Variants in HOMEZ observed in about 807,000 individuals in gnomAD.
HOMEZ encodes homeobox and leucine zipper protein Homez.
In HOMEZ, 20 loss-of-function variants were observed where a neutral mutation model predicts 50.1. The observed-to-expected ratio is 0.40, with a 90% CI of 0.28 to 0.58. The LOEUF is 0.58. Among genes scored for constraint, HOMEZ ranks in the 20% least tolerant of loss-of-function variants. The probability of loss-of-function intolerance (pLI) is 0.46; values close to 1 mark genes in which losing one functional copy is unlikely to be tolerated. For synonymous variants in HOMEZ, 239 were observed against 254.7 expected, an observed-to-expected ratio of 0.94 and a Z score of 0.59; for missense variants, 579 against 680.5, an observed-to-expected ratio of 0.85 and a Z score of 1.66.
In HOMEZ at chr14:23,286,073, G is replaced by T. The variant is rs917269185; in HGVS notation, c.-121C>A. The T allele has an allele frequency of 5.6e-5, 69 of 1,230,708 alleles. No homozygotes were observed. The highest frequency in any genetic ancestry group is 3.2e-5 in the East Asian group (1 of 31,634). 76.2% of individuals were successfully genotyped at this position (1,230,708 alleles called of 1,614,324 possible). ...CGAAACCGGGACTGCCCCCCCCACC[G>T]TCCCCGGGAGCGCGCCGGTCTACCC... On this transcript the variant is annotated 5_prime_UTR_variant, in exon 1 of 2. Coordinates refer to ENST00000357460, the MANE Select transcript of HOMEZ (RefSeq NM_020834.3).
chr14:23,283,361 A>C (rs1886596258), intron 1 of HOMEZ, among the ~76,000 whole-genome samples: 1 of 151,730 alleles, frequency 6.6e-6, no homozygotes, highest in Non-Finnish European at 1.5e-5. Flanking sequence ...ACATAGCGAG[A>C]CCTCGCCTCT....
At chr14:23,277,284 A>G (rs1403109609) in intron 1 of HOMEZ, 97 bp from the exon 2 acceptor site, 7 of 1,147,066 alleles carry the variant, frequency 6.1e-6, no homozygotes, top group Non-Finnish European at 8.4e-6. Flanking sequence ...AGAACAATTT[A>G]ATCTGTATTT....
In HOMEZ at chr14:23,276,250, A is replaced by G; in HGVS notation, c.978T>C (p.His326=). 6.2e-7 allele frequency: 1 copy of G among 1,613,908 alleles called. No individual in the cohort carries two copies. ...VSPSEQALPP[H]LEPAWPQGLR... is the part of the protein sequence containing the mutation. The stretch of plus-strand genomic sequence containing the variant: ...GCCCTTGGGGCCAGGCTGGTTCCAG[A>G]TGTGGGGGTAATGCCTGTTCACTGG... The change falls in exon 2 of 2, where the codon CAT becomes CAC. Residue 326 remains histidine (H), a synonymous_variant. Transcript: ENST00000357460. This position sits in a 1 kb window ranked among gnomAD's most constrained non-coding sequence, Gnocchi z 4.1.
intron 1 of HOMEZ, among the ~76,000 whole-genome samples, chr14:23,280,709 A>ATTTTATT (rs1594964856): frequency 4.0e-5 from 2 of 49,800 alleles, no homozygotes; most frequent in African/African-American, 5.6e-5. Flanking sequence ...TTATATTTTT[A>ATTTTATT]TTTTTATTTT....
chr14:23,281,996 G>A (rs74959412), intron 1 of HOMEZ, among the ~76,000 whole-genome samples: 5,271 of 151,584 alleles, frequency 0.035, 158 homozygotes, highest in South Asian at 0.17. Context: ...CTCAAAAAGA[G>A]AAGAAAAAAG....
chr14:23,281,903 AG>A (rs1451761439), intron 1 of HOMEZ, among the ~76,000 whole-genome samples: 2 of 151,770 alleles, frequency 1.3e-5, no homozygotes, highest in African/African-American at 4.8e-5. Context: ...CTGAGGTGGG[AG>A]GATTGCTTGA....
rs953828695 is a variant in HOMEZ at position 23,286,125 on chromosome 14, G to A, written c.-173C>T. 3 of 1,228,322 alleles carry A rather than the reference G, an allele frequency of 2.4e-6. No homozygotes were observed. The highest frequency in any genetic ancestry group is 3.0e-6 in the Non-Finnish European group (3 of 985,674). The allele number at this position is 1,228,322 out of a possible 1,614,324, so 76.1% of individuals were successfully genotyped here. On this transcript the variant is annotated 5_prime_UTR_variant, in exon 1 of 2. Coordinates refer to ENST00000357460, the MANE Select transcript of HOMEZ (RefSeq NM_020834.3). ...GCCCTGCTCGAGCAAGTTGGAGGCG[G>A]GGCGGATGGGTGGGGTGGGCGTCCA...
In HOMEZ at chr14:23,276,659, TGA is replaced by T; in HGVS notation, c.567_568del (p.Gln190AspfsTer72). 6.2e-7 allele frequency: 1 copy of T among 1,614,048 alleles called. No homozygotes were observed. Among genetic ancestry groups the T allele is most frequent in the South Asian group, 1.1e-5 (1 of 91,086 alleles). ...GTGACTCTGTGGCAGTGGTGGCATCTGAGAGGGCTCCTCAGGCTCTACCTTCA... is the reference window on the plus strand; with the variant it reads ...GTGACTCTGTGGCAGTGGTGGCATCTGAGGGCTCCTCAGGCTCTACCTTCA... On this transcript the variant is annotated frameshift_variant, in exon 2 of 2. Transcript: ENST00000357460. LOFTEE classifies it high-confidence loss of function. This position sits in a 1 kb window ranked among gnomAD's most constrained non-coding sequence, Gnocchi z 4.1.
intron 1 of HOMEZ, among the ~76,000 whole-genome samples, chr14:23,278,231 T>C (rs986736416): frequency 1.2e-4 from 18 of 152,046 alleles, no homozygotes; most frequent in Non-Finnish European, 2.2e-4. Context: ...TTATCTTTCC[T>C]ATTCAAACCC....
intron 1 of HOMEZ, among the ~76,000 whole-genome samples, chr14:23,280,768 A>C (rs796737851): frequency 2.3e-4 from 22 of 93,766 alleles, no homozygotes; most frequent in Admixed American, 5.0e-4. Context: ...ATTTTATTTT[A>C]TTTTATTTTA....
intron 1 of HOMEZ, among the ~76,000 whole-genome samples, chr14:23,280,895 T>A (rs957203644): frequency 1.3e-5 from 2 of 151,308 alleles, no homozygotes; most frequent in Admixed American, 1.3e-4. Context: ...TGCCTCAGCC[T>A]CCTGAGTAGC....
chr14:23,282,138 G>A (rs1886570644), intron 1 of HOMEZ, among the ~76,000 whole-genome samples: 1 of 152,170 alleles, frequency 6.6e-6, no homozygotes. Flanking sequence ...TGATTTTGAT[G>A]TGAAGTAATG....
At chr14:23,281,686 G>A (rs1311774108) in intron 1 of HOMEZ, among the ~76,000 whole-genome samples, 2 of 151,968 alleles carry the variant, frequency 1.3e-5, no homozygotes, top group East Asian at 1.9e-4. Flanking sequence ...ACCTTGGGCC[G>A]AGCGCAGTGG....
At chr14:23,280,709 ATTTTTATTTT>A in intron 1 of HOMEZ, among the ~76,000 whole-genome samples, 1 of 49,808 alleles carries the variant, frequency 2.0e-5, no homozygotes. Flanking sequence ...TTATATTTTT[ATTTTTATTTT>A]ATTTTATTTT....
Position 23,276,230 on chromosome 14 carries a change from T to C in HOMEZ, c.998A>G (p.Gln333Arg). The part of the protein sequence containing the change: ...LPPHLEPAWP[Q>R]GLRHNSVPGR... ...TGGTACTGAGTTATGCCGTAGCCCT[T>C]GGGGCCAGGCTGGTTCCAGATGTGG... is the stretch of plus-strand genomic sequence containing the variant. Residue 333 changes from glutamine to arginine, a missense_variant, in exon 2 of 2, where the codon CAA (glutamine) becomes CGA (arginine). By Grantham distance (43) the Gln-to-Arg change is conservative (BLOSUM62 1). Coordinates refer to ENST00000357460, the MANE Select transcript of HOMEZ (RefSeq NM_020834.3). The surrounding 1 kb of genome is among the most constrained non-coding windows in gnomAD (Gnocchi z 4.1). The C allele has an allele frequency of 6.2e-7, 1 of 1,613,986 alleles. No individual in the cohort carries two copies. The highest frequency in any genetic ancestry group is 8.5e-7 in the Non-Finnish European group (1 of 1,179,884).
At chr14:23,280,443 A>AATTGT (rs2140505138) in intron 1 of HOMEZ, among the ~76,000 whole-genome samples, 1 of 152,232 alleles carries the variant, frequency 6.6e-6, no homozygotes, top group Admixed American at 6.5e-5. Flanking sequence ...GACCAGGTGG[A>AATTGT]CAGGCTCATT....
chr14:23,283,975 G>A (rs1177080306), intron 1 of HOMEZ, among the ~76,000 whole-genome samples: 1 of 152,150 alleles, frequency 6.6e-6, no homozygotes, highest in Non-Finnish European at 1.5e-5. Flanking sequence ...ACAATCTGAA[G>A]CACTCCTGAA....
chr14:23,285,709 C>A (rs1594967646), intron 1 of HOMEZ: 1 of 400,936 alleles, frequency 2.5e-6, no homozygotes, highest in Non-Finnish European at 4.4e-6. Flanking sequence ...CCCAACCCAA[C>A]CTTCTTGCCC....
chr14:23,286,030 G>A lies in HOMEZ; in HGVS notation c.-78C>T. On this transcript the variant is annotated 5_prime_UTR_variant, in exon 1 of 2. Transcript: ENST00000357460. ...TTGCTGCCCGGTGCGGCCGCTCCGA[G>A]CCCACCCCAGCGATGGCCGAAACCG... The A allele has an allele frequency of 8.1e-7, 1 of 1,232,412 alleles. No homozygotes were observed. Among genetic ancestry groups the A allele is most frequent in the African/African-American group, 1.6e-5 (1 of 64,510 alleles). The allele number at this position is 1,232,412 out of a possible 1,614,324, so 76.3% of individuals were successfully genotyped here.
Sources: allele counts gnomAD v4.1 joint callset (sites outside exome capture counted in the v4.1 genomes callset), GRCh38; gene constraint gnomAD v4.1.1; non-coding constraint Gnocchi (gnomAD v3.1); transcripts MANE v1.5; gene names NCBI Gene and HGNC (gene_info 2026-07-23, HGNC 2026-07-21).